LIN28B: variants seen among roughly 807,000 people sequenced by gnomAD.
The protein encoded by LIN28B is protein lin-28 homolog B.
LIN28B carries 5 observed loss-of-function variants against 21.9 expected under a neutral mutation model. The ratio of observed to expected loss-of-function variants is 0.23; its 90% CI spans 0.12 to 0.48. LIN28B has a LOEUF of 0.48. LIN28B is among the 20% of genes least tolerant of loss of function. LIN28B has a pLI of 0.98. For missense variants in LIN28B, 245 were observed against 310.5 expected (o/e 0.79, Z 1.58); for synonymous variants, 109 against 111.3 (o/e 0.98, Z 0.13).
chr6:104,957,229 A>G lies in LIN28B; in HGVS notation c.-22A>G, dbSNP rs760908687. ...GAAAGTTTTCATCTCACGAGTTTGG[A>G]GCTGAGGGCCCGTGGGGCAACATGG... On this transcript the variant is annotated 5_prime_UTR_variant, in exon 1 of 4. Coordinates refer to ENST00000345080, the MANE Select transcript of LIN28B (RefSeq NM_001004317.4). 1 of 1,613,768 alleles carries G rather than the reference A, an allele frequency of 6.2e-7. No homozygotes were observed. Among genetic ancestry groups the G allele is most frequent in the Non-Finnish European group, 8.5e-7 (1 of 1,179,744 alleles).
intron 3 of LIN28B, among the ~76,000 whole-genome samples, chr6:105,064,583 A>C (rs2114406319): frequency 6.6e-6 from 1 of 152,344 alleles, no homozygotes; most frequent in African/African-American, 2.4e-5. Flanking sequence ...TGTCAAACAC[A>C]TAAAGAGAAC....
intron 2 of LIN28B, among the ~76,000 whole-genome samples, chr6:105,021,381 C>T (rs554591896): frequency 2.0e-5 from 3 of 152,240 alleles, no homozygotes; most frequent in African/African-American, 7.2e-5. Context: ...TGGGTCAATA[C>T]CCAGTAGTGG....
At chr6:105,050,607 T>A (rs1450798819) in intron 3 of LIN28B, among the ~76,000 whole-genome samples, 1 of 418 alleles carries the variant, frequency 2.4e-3, no homozygotes, top group Non-Finnish European at 8.2e-3. Context: ...AGACTCCGTC[T>A]CAAAAAAAAA....
At chr6:105,059,207 A>G (rs992775351) in intron 3 of LIN28B, among the ~76,000 whole-genome samples, 16 of 127,980 alleles carry the variant, frequency 1.3e-4, no homozygotes, top group African/African-American at 3.0e-4. Flanking sequence ...GTGTGTGTGT[A>G]TATATATATG....
At chr6:105,001,813 C>G (rs1770726187) in intron 2 of LIN28B, among the ~76,000 whole-genome samples, 1 of 152,026 alleles carries the variant, frequency 6.6e-6, no homozygotes, top group Non-Finnish European at 1.5e-5. Context: ...TCAAGTTTTT[C>G]TTGATATTAC....
chr6:105,001,320 AC>A (rs1770715451), intron 2 of LIN28B, among the ~76,000 whole-genome samples: 1 of 152,156 alleles, frequency 6.6e-6, no homozygotes, highest in East Asian at 1.9e-4. Flanking sequence ...CATAAATCAC[AC>A]TTTTTTATAC....
At chr6:105,020,747 C>CTTTTTTTTT (rs1176851045) in intron 2 of LIN28B, among the ~76,000 whole-genome samples, 3 of 85,386 alleles carry the variant, frequency 3.5e-5, no homozygotes, top group African/African-American at 5.5e-5. Context: ...TCATTCCACT[C>CTTTTTTTTT]TTTTTTTTTT....
chr6:104,953,795 T>A (rs1778251038), upstream of LIN28B, among the ~76,000 whole-genome samples: 1 of 152,082 alleles, frequency 6.6e-6, no homozygotes, highest in South Asian at 2.1e-4. Context: ...CCCGCCTTAT[T>A]TGCGGGGAGG....
chr6:104,983,128 C>T (rs1457499074), intron 2 of LIN28B, among the ~76,000 whole-genome samples: 1 of 152,130 alleles, frequency 6.6e-6, no homozygotes, highest in African/African-American at 2.4e-5. Flanking sequence ...TTTTATTTTA[C>T]AAAGCCAGAG....
At chr6:105,067,255 A>T (rs1461273196) in intron 3 of LIN28B, among the ~76,000 whole-genome samples, 1 of 152,230 alleles carries the variant, frequency 6.6e-6, no homozygotes, top group Non-Finnish European at 1.5e-5. Flanking sequence ...AAAACACTTT[A>T]ACTCAAAGGT....
intron 3 of LIN28B, among the ~76,000 whole-genome samples, chr6:105,072,488 AGGTAACAGAGG>A (rs1772350368): frequency 1.3e-5 from 2 of 152,142 alleles, no homozygotes; most frequent in Admixed American, 1.3e-4. Context: ...AGCATGATTA[AGGTAACAGAGG>A]GGCATGATGC....
At chr6:105,045,989 AC>A (rs1201258452) in intron 3 of LIN28B, among the ~76,000 whole-genome samples, 1 of 152,084 alleles carries the variant, frequency 6.6e-6, no homozygotes, top group East Asian at 1.9e-4. Flanking sequence ...AGTAATTGTA[AC>A]TAATACTAAA....
intron 3 of LIN28B, among the ~76,000 whole-genome samples, chr6:105,043,501 C>T (rs160599): frequency 6.6e-6 from 1 of 151,278 alleles, no homozygotes; most frequent in Non-Finnish European, 1.5e-5. Context: ...GAAATCTTTT[C>T]CTCCTTTTAT....
In LIN28B at chr6:105,051,006, G is replaced by A. The variant is rs2114384977; in HGVS notation, c.383+24524G>A. ...AAGGTGGGAGGATCGCTTGAGACCA[G>A]GAGTTTGAGACCAGCCTAGACAACC... On this transcript the variant is annotated intron_variant, in intron 3 of 3. Coordinates refer to ENST00000345080, the MANE Select transcript of LIN28B (RefSeq NM_001004317.4). Among the ~76,000 whole-genome samples, 2 of 151,016 alleles carry A rather than the reference G, an allele frequency of 1.3e-5. 1 individual carries two copies. Among genetic ancestry groups the A allele is most frequent in the Non-Finnish European group, 2.9e-5 (2 of 67,930 alleles).
chr6:104,960,064 T>C (rs748727958), intron 2 of LIN28B, among the ~76,000 whole-genome samples: 1 of 152,194 alleles, frequency 6.6e-6, no homozygotes, highest in Non-Finnish European at 1.5e-5. Flanking sequence ...CTGCTGAAGT[T>C]TTTTAAATAT....
intron 2 of LIN28B, among the ~76,000 whole-genome samples, chr6:104,978,481 C>T (rs1770153890): frequency 6.6e-6 from 1 of 151,774 alleles, no homozygotes; most frequent in Admixed American, 6.6e-5. Flanking sequence ...ATCAGTAACA[C>T]TAATTTTATA....
At chr6:104,949,373 T>G (rs969241778) in intron 2 of LIN28B, among the ~76,000 whole-genome samples, 3 of 152,236 alleles carry the variant, frequency 2.0e-5, no homozygotes, top group African/African-American at 7.2e-5. Flanking sequence ...GGATTTAATG[T>G]ACAGAGGTTC....
chr6:104,945,300 T>A (rs1778144127), intron 2 of LIN28B, among the ~76,000 whole-genome samples: 1 of 152,082 alleles, frequency 6.6e-6, no homozygotes, highest in Non-Finnish European at 1.5e-5. Flanking sequence ...GATGAGTAAC[T>A]TGTAAAGTGT....
intron 2 of LIN28B, among the ~76,000 whole-genome samples, chr6:105,012,817 C>T (rs929655751): frequency 6.6e-6 from 1 of 152,146 alleles, no homozygotes; most frequent in African/African-American, 2.4e-5. Flanking sequence ...GTTTTAATTT[C>T]TCTTGCATAA....
Sources: allele counts gnomAD v4.1 joint callset (sites outside exome capture counted in the v4.1 genomes callset), GRCh38; gene constraint gnomAD v4.1.1; transcripts MANE v1.5; gene names NCBI Gene and HGNC (gene_info 2026-07-23, HGNC 2026-07-21).